USP4: variants seen among roughly 807,000 people sequenced by gnomAD.
The protein encoded by USP4 is ubiquitin specific peptidase 4, also known as ubiquitin carboxyl-terminal hydrolase 4.
USP4 carries 72 observed loss-of-function variants against 118.2 expected under a neutral mutation model. The ratio of observed to expected loss-of-function variants is 0.61; its 90% CI spans 0.50 to 0.74. The LOEUF (loss-of-function observed/expected upper bound fraction) is 0.74, where lower values mean the gene tolerates loss of function less well. Among genes scored for constraint, USP4 ranks in the 30% least tolerant of loss-of-function variants. The probability of loss-of-function intolerance (pLI) is 0.00; values close to 1 mark genes in which losing one functional copy is unlikely to be tolerated. For synonymous variants in USP4, 415 were observed against 440.4 expected (o/e 0.94, Z 0.72); for missense variants, 1,037 against 1,185.7 (o/e 0.87, Z 1.84).
intron 11 of USP4, among the ~76,000 whole-genome samples, chr3:49,299,301 G>A (rs911166258): frequency 6.6e-6 from 1 of 151,868 alleles, no homozygotes; most frequent in Non-Finnish European, 1.5e-5. Flanking sequence ...TGTTGGTCAG[G>A]GTGGTCTCGA....
At chr3:49,303,575 G>C (rs2047282102) in intron 9 of USP4, among the ~76,000 whole-genome samples, 1 of 151,270 alleles carries the variant, frequency 6.6e-6, no homozygotes, top group South Asian at 2.1e-4. Flanking sequence ...CAGTTCCTCG[G>C]TCAAATGAAC....
chr3:49,325,599 G>C (rs1015698964), intron 4 of USP4, 120 bp downstream of exon 4: 7 of 1,442,076 alleles, frequency 4.9e-6, no homozygotes, highest in African/African-American at 1.4e-5. Context: ...ACTACAGCTC[G>C]AGATGATTTG....
intron 1 of USP4, among the ~76,000 whole-genome samples, chr3:49,335,812 G>A (rs1378563200): frequency 1.3e-5 from 2 of 152,190 alleles, no homozygotes; most frequent in Non-Finnish European, 2.9e-5. Context: ...TGTTCAAAGA[G>A]TGAATAAAAG....
intron 11 of USP4, among the ~76,000 whole-genome samples, chr3:49,299,686 C>CTGG (rs1351007190): frequency 6.6e-6 from 1 of 152,094 alleles, no homozygotes; most frequent in Non-Finnish European, 1.5e-5. Context: ...GCCACCGCGC[C>CTGG]CGGCCCTCAA....
rs769120710 is a variant in USP4, at chr3:49,339,916, G to C, written c.101+8C>G. On this transcript the variant is annotated splice_region_variant and intron_variant, in intron 1 of 21. Coordinates refer to ENST00000265560, the MANE Select transcript of USP4 (RefSeq NM_003363.4). ...TCTGCATAGAGGAAGAGCGAGCCGG[G>C]AGCTCACCACTGCGCCCCGCGTTGG... is the stretch of plus-strand genomic sequence containing the variant. 58 of 1,610,934 alleles carry C rather than the reference G, an allele frequency of 3.6e-5. No homozygotes were observed. Among genetic ancestry groups the C allele is most frequent in the Middle Eastern group, 3.3e-4 (2 of 6,078 alleles).
intron 10 of USP4, among the ~76,000 whole-genome samples, 155 bp downstream of exon 10, chr3:49,302,229 C>T (rs1433839323): frequency 6.6e-6 from 1 of 151,744 alleles, no homozygotes; most frequent in Non-Finnish European, 1.5e-5. Context: ...CAGTTAGCCC[C>T]TTTCTGACCA....
At chr3:49,324,660 T>G in intron 6 of USP4, 42 bp downstream of exon 6, 1 of 1,575,170 alleles carries the variant, frequency 6.3e-7, no homozygotes, top group South Asian at 1.1e-5. Context: ...CTGTCTCTTT[T>G]GCACATGTGA....
rs1293566540 is a variant in USP4 at position 49,339,969 on chromosome 3, T to C, written c.56A>G (p.Glu19Gly). 6.2e-7 allele frequency: 1 copy of C among 1,612,736 alleles called. No homozygotes were observed. Among genetic ancestry groups the C allele is most frequent in the East Asian group, 2.2e-5 (1 of 44,838 alleles). ...ERPDAETQKS[E>G]LGPLMRTTLQ... The stretch of plus-strand genomic sequence containing the variant: ...TGTGGTCCTCATTAAGGGTCCAAGC[T>C]CGGACTTCTGAGTCTCCGCATCCGG... Residue 19 changes from glutamate (E) to glycine (G), a missense_variant, in exon 1 of 22, where the codon GAG (glutamate) becomes GGG (glycine). Physicochemically the swap from Glu to Gly is moderately conservative, Grantham distance 98. This residue lies in a region of USP4 where 487 missense variants were observed against 534.1 expected (regional missense o/e 0.91). Coordinates refer to ENST00000265560, the MANE Select transcript of USP4 (RefSeq NM_003363.4).
chr3:49,295,789 G>T (rs1196316028), intron 13 of USP4, among the ~76,000 whole-genome samples: 1 of 151,670 alleles, frequency 6.6e-6, no homozygotes, highest in Non-Finnish European at 1.5e-5. Context: ...TATGAAGGAG[G>T]AATTTCTAAT....
intron 8 of USP4, among the ~76,000 whole-genome samples, chr3:49,309,940 A>ATTTTTTTTTT (rs2047365426): frequency 1.1e-4 from 2 of 17,804 alleles, no homozygotes; most frequent in Non-Finnish European, 1.9e-4. Context: ...ACTTTTTTTT[A>ATTTTTTTTTT]ATCTTTTTTT....
At chr3:49,278,563 G>C in intron 21 of USP4, 112 bp from the exon 22 acceptor site, 1 of 1,328,344 alleles carries the variant, frequency 7.5e-7, no homozygotes. Flanking sequence ...CCACACAGAG[G>C]AGACCCTTCC....
At chr3:49,290,674 C>T (rs148699556) in intron 15 of USP4, among the ~76,000 whole-genome samples, 1,602 of 152,260 alleles carry the variant, frequency 0.011, 27 homozygotes, top group African/African-American at 0.037. Context: ...ACTGCCATGC[C>T]TGGCTAATTT....
chr3:49,289,511 A>G (rs143166782), intron 15 of USP4, among the ~76,000 whole-genome samples: 6 of 152,304 alleles, frequency 3.9e-5, no homozygotes, highest in East Asian at 1.9e-4. Flanking sequence ...CTGGACCTAT[A>G]AACAAAATGT....
rs150772995 is a variant in USP4, at chr3:49,325,806, C to T, written c.400G>A (p.Glu134Lys). The stretch of plus-strand genomic sequence containing the variant: ...AGCTTCAGTTCCAGCAAATACACCT[C>T]GACTTTGCAGTGCTTGACAAACAGG... ...HGLFVKHCKV[E>K]VYLLELKLCE... The change falls in exon 4 of 22, where the codon GAG becomes AAG. Residue 134 changes from glutamate (E) to lysine (K), a missense_variant. By Grantham distance (56) the Glu-to-Lys change is moderately conservative. Transcript: ENST00000265560. 22 of 1,613,776 alleles carry T rather than the reference C, an allele frequency of 1.4e-5. No individual in the cohort carries two copies. The highest frequency in any genetic ancestry group is 1.7e-5 in the Non-Finnish European group (20 of 1,179,892).
chr3:49,311,674 A>G lies in USP4; in HGVS notation c.696-20T>C. 1 of 1,612,554 alleles carries G rather than the reference A, an allele frequency of 6.2e-7. No homozygotes were observed. Among genetic ancestry groups the G allele is most frequent in the Non-Finnish European group, 8.5e-7 (1 of 1,179,206 alleles). Reference sequence around the variant, plus strand: ...CTTGATCTGGGAGAGAGAAGCAGAAACAATGCTACTGACTTTTTGCAAAGA... The same window carrying G: ...CTTGATCTGGGAGAGAGAAGCAGAAGCAATGCTACTGACTTTTTGCAAAGA... On this transcript the variant is annotated intron_variant, in intron 6 of 21. Coordinates refer to ENST00000265560, the MANE Select transcript of USP4 (RefSeq NM_003363.4).
At chr3:49,288,631 C>A (rs1385127429) in intron 15 of USP4, among the ~76,000 whole-genome samples, 1 of 151,850 alleles carries the variant, frequency 6.6e-6, no homozygotes, top group African/African-American at 2.4e-5. Flanking sequence ...GCTGAGATCA[C>A]GCCATTGTAT....
chr3:49,288,699 AG>A (rs1236068244), intron 15 of USP4, among the ~76,000 whole-genome samples: 2 of 152,088 alleles, frequency 1.3e-5, no homozygotes, highest in African/African-American at 2.4e-5. Context: ...GAAAAGAAAA[AG>A]AAAAAGCAGG....
At position 49,305,758 on chromosome 3, in the gene USP4, A is replaced by G; in HGVS notation, c.1085T>C (p.Met362Thr). Residue 362 changes from methionine (M) to threonine (T), a missense_variant, in exon 9 of 22, where the codon ATG (methionine) becomes ACG (threonine). Coordinates refer to ENST00000265560, the MANE Select transcript of USP4 (RefSeq NM_003363.4). ...CACATGGGCGTCCCTTCCAGACCAC[A>G]TCTGCTTAATGAGTTCAGCATAGGC... ...AEAYAELIKQ[M>T]WSGRDAHVAP... 6.2e-7 allele frequency: 1 copy of G among 1,613,030 alleles called. No individual in the cohort carries two copies.
At chr3:49,307,991 A>C (rs998060851) in intron 8 of USP4, among the ~76,000 whole-genome samples, 1 of 151,906 alleles carries the variant, frequency 6.6e-6, no homozygotes, top group African/African-American at 2.4e-5. Context: ...CATCAGAGAG[A>C]GTTCCTGTCT....
Sources: gnomAD v4.1 joint callset for allele counts (sites outside exome capture counted in the v4.1 genomes callset) on GRCh38, gnomAD v4.1.1 for gene constraint, gnomAD v4.1.1 regional missense constraint, MANE v1.5 for transcripts, NCBI Gene and HGNC (gene_info 2026-07-23, HGNC 2026-07-21) for gene names.